The following ODAD2 variants were observed in gnomAD, a reference collection of about 807,000 sequenced individuals.
ODAD2 encodes outer dynein arm-docking complex subunit 2.
Under a neutral mutation model 106.8 loss-of-function variants are expected in ODAD2, and 89 were observed. That is an observed-to-expected ratio of 0.83 (90% CI 0.70 to 0.99). The LOEUF (loss-of-function observed/expected upper bound fraction) is 0.99. Among genes scored for constraint, ODAD2 ranks in the 50% least tolerant of loss-of-function variants. The pLI is 0.00. For missense variants in ODAD2, 1,168 were observed against 1,238.5 expected (o/e 0.94, Z 0.85); for synonymous variants, 404 against 436.2 (o/e 0.93, Z 0.92).
chr10:27,929,669 G>A (rs1845478857), intron 16 of ODAD2, among the ~76,000 whole-genome samples: 1 of 152,056 alleles, frequency 6.6e-6, no homozygotes, highest in Non-Finnish European at 1.5e-5. Context: ...ATATGATATT[G>A]CCTTCACATT....
intron 17 of ODAD2, among the ~76,000 whole-genome samples, chr10:27,903,346 C>T (rs1022487850): frequency 1.3e-5 from 2 of 152,164 alleles, no homozygotes; most frequent in Non-Finnish European, 2.9e-5. Context: ...CAATATCATA[C>T]TGAATGGGCA....
chr10:27,908,524 T>C (rs1416160244), intron 16 of ODAD2, among the ~76,000 whole-genome samples: 1 of 152,166 alleles, frequency 6.6e-6, no homozygotes, highest in African/African-American at 2.4e-5. Flanking sequence ...AAACAAAACT[T>C]AATAACCTTT....
intron 19 of ODAD2, among the ~76,000 whole-genome samples, chr10:27,842,300 AC>A (rs1340445948): frequency 1.3e-5 from 2 of 152,136 alleles, no homozygotes; most frequent in Admixed American, 1.3e-4. Context: ...GAATAGAAGG[AC>A]AGGTCCTGCC....
At chr10:27,819,574 T>TAAAAAA (rs56031733) in intron 19 of ODAD2, among the ~76,000 whole-genome samples, 29 of 73,980 alleles carry the variant, frequency 3.9e-4, no homozygotes, top group African/African-American at 1.4e-3. Context: ...CCCTGTCTCT[T>TAAAAAA]AAAAAAAAAA....
intron 10 of ODAD2, among the ~76,000 whole-genome samples, chr10:27,959,617 C>T (rs916867574): frequency 2.0e-5 from 3 of 152,124 alleles, no homozygotes; most frequent in Non-Finnish European, 4.4e-5. Context: ...GCCCGTGCTC[C>T]ATGCTAGTGT....
chr10:27,986,682 G>T (rs988270550), intron 3 of ODAD2, among the ~76,000 whole-genome samples: 1 of 152,080 alleles, frequency 6.6e-6, no homozygotes, highest in Non-Finnish European at 1.5e-5. Context: ...AATAAAGCAG[G>T]ACGCATACAT....
chr10:27,915,438 G>T (rs980464210), intron 16 of ODAD2, among the ~76,000 whole-genome samples: 10 of 152,036 alleles, frequency 6.6e-5, no homozygotes, highest in African/African-American at 2.2e-4. Flanking sequence ...GAGCTCTCCG[G>T]GGACTCTTTT....
chr10:27,986,814 TAAG>T (rs1183737568), intron 3 of ODAD2, among the ~76,000 whole-genome samples: 2 of 151,636 alleles, frequency 1.3e-5, no homozygotes, highest in Non-Finnish European at 2.9e-5. Flanking sequence ...CACATATTTT[TAAG>T]AAGAAGAAAA....
chr10:27,859,753 G>A (rs1839911618), intron 19 of ODAD2, among the ~76,000 whole-genome samples: 2 of 152,166 alleles, frequency 1.3e-5, no homozygotes, highest in Non-Finnish European at 2.9e-5. Context: ...CTTATTGCCA[G>A]CAAAATATTC....
At position 27,837,811 on chromosome 10, in the gene ODAD2, CATAAGG is replaced by C. The variant is rs546487658; in HGVS notation, c.3021+22808_3021+22813del. 3.2e-4 allele frequency among the ~76,000 whole-genome samples: 48 copies of C among 152,230 alleles called. No homozygotes were observed. The East Asian group carries it at 8.5e-3, about 27-fold the overall frequency. On this transcript the variant is annotated intron_variant, in intron 19 of 19. Transcript: ENST00000305242. ...CATCCGCAAGCCCTGACTTGTCAACCATAAGGATAAGCCATTGTGGTCCATCACTCC... is the reference window on the plus strand; with the variant it reads ...CATCCGCAAGCCCTGACTTGTCAACCATAAGCCATTGTGGTCCATCACTCC...
intron 6 of ODAD2, 105 bp from the exon 7 acceptor site, chr10:27,981,687 G>T: frequency 1.3e-6 from 1 of 797,644 alleles, no homozygotes; most frequent in Non-Finnish European, 2.0e-6. Flanking sequence ...CATCTCCGAA[G>T]GATCTATATG....
chr10:27,962,701 A>G lies in ODAD2; in HGVS notation c.1239-986T>C, dbSNP rs546924693. 6.6e-5 allele frequency among the ~76,000 whole-genome samples: 10 copies of G among 152,278 alleles called. No homozygotes were observed. In the South Asian group the frequency reaches 1.7e-3, roughly 25 times the overall value. On this transcript the variant is annotated intron_variant, in intron 9 of 19. Transcript: ENST00000305242. ...TATTACAAGAGACTTCTGGAATCCA[A>G]TATATGCCCTACGTCCCTGCAGAGG...
chr10:27,924,616 A>AAAAG (rs1424513579), intron 16 of ODAD2, among the ~76,000 whole-genome samples: 13 of 109,716 alleles, frequency 1.2e-4, no homozygotes, highest in Admixed American at 1.1e-3. Context: ...ATTAGGAGGA[A>AAAAG]AAAAAAAAAA....
chr10:27,990,406 G>A (rs1850151787), intron 2 of ODAD2, among the ~76,000 whole-genome samples: 1 of 152,152 alleles, frequency 6.6e-6, no homozygotes, highest in African/African-American at 2.4e-5. Flanking sequence ...GAACTCCTGG[G>A]TTCGAGTGAT....
chr10:27,872,869 A>G (rs866596129), intron 17 of ODAD2, among the ~76,000 whole-genome samples: 67 of 152,324 alleles, frequency 4.4e-4, no homozygotes, highest in African/African-American at 1.5e-3. Context: ...TGCTGGCCTC[A>G]TAAAATGAGT....
At chr10:27,865,366 A>G (rs1840366087) in intron 17 of ODAD2, among the ~76,000 whole-genome samples, 1 of 152,200 alleles carries the variant, frequency 6.6e-6, no homozygotes, top group Non-Finnish European at 1.5e-5. Context: ...TTCAGTTTTC[A>G]TGTCCTCAAA....
Position 27,812,364 on chromosome 10 carries a change from C to A in ODAD2, c.*148G>T. On this transcript the variant is annotated 3_prime_UTR_variant, in exon 20 of 20. Transcript: ENST00000305242. Reference sequence around the variant, plus strand: ...CTCCATGCAATTTTCAGATGAAAAACATTCTGTGCATTTTCAATTTGTGTG... The same window carrying A: ...CTCCATGCAATTTTCAGATGAAAAAAATTCTGTGCATTTTCAATTTGTGTG... 5.9e-6 allele frequency: 4 copies of A among 675,392 alleles called. No individual in the cohort carries two copies. The highest frequency in any genetic ancestry group is 2.1e-5 in the South Asian group (1 of 48,214). 41.8% of individuals were successfully genotyped at this position (675,392 alleles called of 1,614,324 possible).
At chr10:27,848,771 C>T (rs1247634779) in intron 19 of ODAD2, among the ~76,000 whole-genome samples, 1 of 152,192 alleles carries the variant, frequency 6.6e-6, no homozygotes, top group Admixed American at 6.5e-5. Context: ...CAAAAGAAGA[C>T]ATTTATGAAG....
intron 19 of ODAD2, among the ~76,000 whole-genome samples, chr10:27,819,469 G>C (rs1473335970): frequency 6.6e-6 from 1 of 151,660 alleles, no homozygotes; most frequent in Non-Finnish European, 1.5e-5. Context: ...CTTTCAGGCC[G>C]GGTGGATGCC....
Sources: gnomAD v4.1 joint callset for allele counts (sites outside exome capture counted in the v4.1 genomes callset) on GRCh38, gnomAD v4.1.1 for gene constraint, MANE v1.5 for transcripts, NCBI Gene and HGNC (gene_info 2026-07-23, HGNC 2026-07-21) for gene names.